Variants in INTS9 observed in about 807,000 individuals in gnomAD.
The protein encoded by INTS9 is integrator complex subunit 9, also known as protein related to CPSF subunits of 74 kDa.
In INTS9, 55 loss-of-function variants were observed where a neutral mutation model predicts 79.7. The observed-to-expected ratio is 0.69, with a 90% CI of 0.56 to 0.86. The LOEUF is 0.86. Among genes scored for constraint, INTS9 ranks in the 40% least tolerant of loss-of-function variants. The pLI is 0.00. For missense variants in INTS9, 721 were observed against 831.5 expected (o/e 0.87, Z 1.64); for synonymous variants, 319 against 325.2 (o/e 0.98, Z 0.20).
At chr8:28,824,936 G>A (rs753547759) in intron 6 of INTS9, among the ~76,000 whole-genome samples, 37 of 152,156 alleles carry the variant, frequency 2.4e-4, no homozygotes, top group Non-Finnish European at 4.6e-4. Context: ...GAAATGTCTG[G>A]TGCAGAAGAG....
At chr8:28,797,228 A>G (rs1309753752) in intron 8 of INTS9, among the ~76,000 whole-genome samples, 1 of 152,218 alleles carries the variant, frequency 6.6e-6, no homozygotes, top group African/African-American at 2.4e-5. Context: ...ATAGAATTTG[A>G]TTCTCAGAAT....
intron 1 of INTS9, among the ~76,000 whole-genome samples, chr8:28,880,680 C>T (rs1809693040): frequency 6.8e-6 from 1 of 146,966 alleles, no homozygotes; most frequent in African/African-American, 2.5e-5. Context: ...GCCGCCACCC[C>T]GTCTGGGAAG....
chr8:28,805,944 C>T (rs958389081), intron 8 of INTS9, among the ~76,000 whole-genome samples: 2 of 151,872 alleles, frequency 1.3e-5, no homozygotes, highest in African/African-American at 4.8e-5. Flanking sequence ...AAAAAAAAAT[C>T]CCGGCCAAGC....
chr8:28,854,635 G>A (rs1808042361), intron 2 of INTS9, among the ~76,000 whole-genome samples: 3 of 152,182 alleles, frequency 2.0e-5, no homozygotes, highest in African/African-American at 4.8e-5. Context: ...AGATGCTGGT[G>A]ATAGGACTAG....
At chr8:28,791,895 A>G (rs921840676) in intron 10 of INTS9, among the ~76,000 whole-genome samples, 1 of 152,236 alleles carries the variant, frequency 6.6e-6, no homozygotes, top group Admixed American at 6.5e-5. Flanking sequence ...AGCATGGGAA[A>G]ACTACTGCAA....
rs1470670671 is a variant in INTS9 at position 28,844,369 on chromosome 8, C to A, written c.261+2378G>T. Among the ~76,000 whole-genome samples the A allele has an allele frequency of 2.0e-5, 3 of 151,914 alleles. No homozygotes were observed. The East Asian group carries it at 5.8e-4, about 29-fold the overall frequency. ...CAGCTTGGGCAACAAGGCAAAACCC[C>A]ATCTCTACAAAAAATACAAAATTAG... On this transcript the variant is annotated intron_variant, in intron 4 of 16. Coordinates refer to ENST00000521022, the MANE Select transcript of INTS9 (RefSeq NM_018250.4).
At chr8:28,848,540 A>C (rs1006176084) in intron 3 of INTS9, among the ~76,000 whole-genome samples, 39 of 152,344 alleles carry the variant, frequency 2.6e-4, no homozygotes, top group Non-Finnish European at 4.0e-4. Flanking sequence ...CACAGTTCTT[A>C]ATTACAATGT....
intron 2 of INTS9, among the ~76,000 whole-genome samples, chr8:28,854,169 AC>A (rs1347523379): frequency 6.6e-6 from 1 of 152,252 alleles, no homozygotes; most frequent in Admixed American, 6.5e-5. Flanking sequence ...GGTACATACC[AC>A]CATATCCAGG....
intron 6 of INTS9, among the ~76,000 whole-genome samples, chr8:28,829,659 C>T (rs974429789): frequency 6.6e-6 from 1 of 152,144 alleles, no homozygotes; most frequent in African/African-American, 2.4e-5. Flanking sequence ...TGCTTTGAGG[C>T]TGCCTATATA....
At chr8:28,775,981 T>C in intron 13 of INTS9, 55 bp from the exon 14 acceptor site, 1 of 1,399,528 alleles carries the variant, frequency 7.1e-7, no homozygotes, top group Non-Finnish European at 9.5e-7. Flanking sequence ...GTGGCCCCTG[T>C]GGAAGGCCCA....
intron 1 of INTS9, among the ~76,000 whole-genome samples, chr8:28,865,902 G>T (rs774416347): frequency 6.6e-6 from 1 of 151,572 alleles, no homozygotes; most frequent in Non-Finnish European, 1.5e-5. Context: ...AATGCATGTG[G>T]TAATGTTTCA....
chr8:28,778,429 A>G (rs774084533), intron 12 of INTS9, among the ~76,000 whole-genome samples: 7 of 152,334 alleles, frequency 4.6e-5, no homozygotes, highest in Non-Finnish European at 1.0e-4. Flanking sequence ...CTGACTTCAC[A>G]GTGGAGAGGC....
intron 14 of INTS9, among the ~76,000 whole-genome samples, chr8:28,772,819 A>C (rs1802627790): frequency 6.6e-6 from 1 of 152,078 alleles, no homozygotes; most frequent in Non-Finnish European, 1.5e-5. Context: ...AAAAAGAAAA[A>C]AAAAGACATA....
chr8:28,868,953 G>A (rs1392397599), intron 1 of INTS9, among the ~76,000 whole-genome samples: 2 of 152,048 alleles, frequency 1.3e-5, no homozygotes, highest in South Asian at 2.1e-4. Context: ...AGAAAAATTC[G>A]CTGGGCGTGG....
At chr8:28,849,691 G>A (rs1807720457) in intron 3 of INTS9, among the ~76,000 whole-genome samples, 1 of 152,050 alleles carries the variant, frequency 6.6e-6, no homozygotes, top group South Asian at 2.1e-4. Context: ...AGAGTGATCC[G>A]ATCTGACAAT....
At chr8:28,781,111 C>G in intron 11 of INTS9, 117 bp from the exon 12 acceptor site, 1 of 758,990 alleles carries the variant, frequency 1.3e-6, no homozygotes. Flanking sequence ...AGACAAGCCA[C>G]GGATTGGGAG....
At chr8:28,847,618 C>T (rs1260603247) in intron 3 of INTS9, among the ~76,000 whole-genome samples, 1 of 152,176 alleles carries the variant, frequency 6.6e-6, no homozygotes, top group East Asian at 1.9e-4. Context: ...AAGAAATAAG[C>T]ATATGTATAA....
chr8:28,786,780 C>T (rs890457799), intron 11 of INTS9, among the ~76,000 whole-genome samples: 24 of 152,086 alleles, frequency 1.6e-4, no homozygotes, highest in African/African-American at 4.8e-4. Flanking sequence ...TGCAGTGGCG[C>T]GATCTGGGCT....
intron 4 of INTS9, among the ~76,000 whole-genome samples, chr8:28,841,226 T>C (rs947291355): frequency 1.3e-5 from 2 of 152,196 alleles, no homozygotes; most frequent in Non-Finnish European, 2.9e-5. Context: ...GCACTGCCTT[T>C]GCAAGACAGT....
Sources: gnomAD v4.1 joint callset for allele counts (sites outside exome capture counted in the v4.1 genomes callset) on GRCh38, gnomAD v4.1.1 for gene constraint, MANE v1.5 for transcripts, NCBI Gene and HGNC (gene_info 2026-07-23, HGNC 2026-07-21) for gene names.